Variants in NALF1 observed in about 807,000 individuals in gnomAD.
NALF1 encodes the protein NALCN channel auxiliary factor 1.
In NALF1, 3 loss-of-function variants were observed where a neutral mutation model predicts 48.4. The observed-to-expected ratio is 0.06, with a 90% CI of 0.03 to 0.16. The LOEUF is 0.16. NALF1 is among the 10% of genes least tolerant of loss of function. The pLI is 1.00. For missense variants in NALF1, 526 were observed against 571.5 expected, an observed-to-expected ratio of 0.92 and a Z score of 0.81; for synonymous variants, 262 against 245.7, an observed-to-expected ratio of 1.07 and a Z score of -0.62.
intron 1 of NALF1, among the ~76,000 whole-genome samples, chr13:107,402,302 AC>A (rs1883823162): frequency 6.6e-6 from 1 of 152,160 alleles, no homozygotes; most frequent in Non-Finnish European, 1.5e-5. Flanking sequence ...TAGTCCAACT[AC>A]CCAGAAGAAC....
chr13:107,450,318 C>G (rs543535987), intron 1 of NALF1, among the ~76,000 whole-genome samples: 7 of 152,100 alleles, frequency 4.6e-5, no homozygotes, highest in Non-Finnish European at 8.8e-5. Flanking sequence ...AAGTGCCCAT[C>G]ATAGAGCCAC....
At chr13:107,469,647 T>G (rs1275383004) in intron 1 of NALF1, among the ~76,000 whole-genome samples, 1 of 151,886 alleles carries the variant, frequency 6.6e-6, no homozygotes, top group Non-Finnish European at 1.5e-5. Context: ...TATGTTTAAG[T>G]TTTTTTTATG....
Position 107,170,245 on chromosome 13 carries a change from TAA to T in NALF1, c.*250_*251del. The stretch of plus-strand genomic sequence containing the variant: ...AAACCCAAACCAAAACGAAAGCAAA[TAA>T]AACCTCCAAACATTAAAACACAGTG... On this transcript the variant is annotated 3_prime_UTR_variant, in exon 3 of 3. Transcript: ENST00000375915. 1 of 388,108 alleles carries T rather than the reference TAA, an allele frequency of 2.6e-6. No homozygotes were observed. 24.0% of individuals were successfully genotyped at this position (388,108 alleles called of 1,614,324 possible). A position where few individuals can be genotyped will look rare whatever the true frequency, so the allele number is the denominator to read the frequency against.
chr13:107,464,858 C>A (rs764205257), intron 1 of NALF1, among the ~76,000 whole-genome samples: 1 of 151,938 alleles, frequency 6.6e-6, no homozygotes. Flanking sequence ...GAGGTATGCT[C>A]AACATACAAA....
intron 2 of NALF1, among the ~76,000 whole-genome samples, chr13:107,207,142 C>A (rs1879660509): frequency 6.6e-6 from 1 of 152,140 alleles, no homozygotes. Context: ...CTGCATTTTA[C>A]TTGGTTTCAT....
rs563816942 is a variant in NALF1 at position 107,799,093 on chromosome 13, G to A, written c.915+66589C>T. ...GGCTTGCTCATTCCCCAAAGCCTCT[G>A]CCCTTAAACACTGTATATCCACTGT... is the stretch of plus-strand genomic sequence containing the variant. On this transcript the variant is annotated intron_variant, in intron 1 of 2. Coordinates refer to ENST00000375915, the MANE Select transcript of NALF1 (RefSeq NM_001080396.3). Among the ~76,000 whole-genome samples, 103 of 152,206 alleles carry A rather than the reference G, an allele frequency of 6.8e-4. No individual in the cohort carries two copies. In the South Asian group the frequency reaches 0.011, roughly 16 times the overall value.
chr13:107,185,793 T>C (rs186800120), intron 2 of NALF1, among the ~76,000 whole-genome samples: 1 of 152,316 alleles, frequency 6.6e-6, no homozygotes, highest in Admixed American at 6.5e-5. Context: ...ATTCACAATC[T>C]CCTTTTGCAT....
At chr13:107,326,903 T>A (rs1220669925) in intron 1 of NALF1, among the ~76,000 whole-genome samples, 1 of 149,438 alleles carries the variant, frequency 6.7e-6, no homozygotes, top group Non-Finnish European at 1.5e-5. Flanking sequence ...TTCCCTCACA[T>A]GATCCAGCCA....
intron 1 of NALF1, among the ~76,000 whole-genome samples, chr13:107,735,484 A>G (rs1272251107): frequency 6.6e-6 from 1 of 152,220 alleles, no homozygotes; most frequent in Non-Finnish European, 1.5e-5. Flanking sequence ...GTACTATAAC[A>G]TCAGAAAAAA....
At chr13:107,318,324 TCGTATCTTTTTGCA>T (rs2138911155) in intron 1 of NALF1, among the ~76,000 whole-genome samples, 1 of 152,254 alleles carries the variant, frequency 6.6e-6, no homozygotes, top group African/African-American at 2.4e-5. Flanking sequence ...GAATTTGTAT[TCGTATCTTTTTGCA>T]CAGAATGTGT....
chr13:107,813,891 G>A (rs556757654), intron 1 of NALF1, among the ~76,000 whole-genome samples: 1 of 152,176 alleles, frequency 6.6e-6, no homozygotes, highest in South Asian at 2.1e-4. Flanking sequence ...TGTTGTTATT[G>A]TTGCTATCAT....
chr13:107,513,161 T>A (rs1425257439), intron 1 of NALF1, among the ~76,000 whole-genome samples: 2 of 152,170 alleles, frequency 1.3e-5, no homozygotes, highest in Non-Finnish European at 2.9e-5. Context: ...GGGGTTTTCT[T>A]TTTGGAAAAT....
At position 107,709,066 on chromosome 13, in the gene NALF1, A is replaced by G. The variant is rs201035937; in HGVS notation, c.915+156616T>C. 5.9e-5 allele frequency among the ~76,000 whole-genome samples: 9 copies of G among 152,380 alleles called. No individual in the cohort carries two copies. The South Asian group carries it at 8.3e-4, about 14-fold the overall frequency. ...CAGCAATGGTATTCTAAAGTAAAAA[A>G]TAAAGAAAAATTCAAAAAGTGTTGT... On this transcript the variant is annotated intron_variant, in intron 1 of 2. Transcript: ENST00000375915.
At chr13:107,710,898 CAT>C (rs1416267482) in intron 1 of NALF1, among the ~76,000 whole-genome samples, 2 of 150,770 alleles carry the variant, frequency 1.3e-5, no homozygotes, top group African/African-American at 2.5e-5. Context: ...CACAGACACA[CAT>C]ATATATTAAT....
intron 1 of NALF1, among the ~76,000 whole-genome samples, chr13:107,551,251 C>T (rs777536256): frequency 1.8e-4 from 27 of 152,108 alleles, no homozygotes; most frequent in Non-Finnish European, 3.7e-4. Context: ...TATTTGAATC[C>T]TATATTTACA....
rs114426217 is a variant in NALF1 at position 107,260,761 on chromosome 13, G to A, written c.916-50006C>T. 5.6e-3 allele frequency among the ~76,000 whole-genome samples: 856 copies of A among 152,258 alleles called. 5 individuals are homozygous for A. Among genetic ancestry groups the A allele is most frequent in the African/African-American group, 0.02 (820 of 41,556 alleles). On this transcript the variant is annotated intron_variant, in intron 1 of 2. Coordinates refer to ENST00000375915, the MANE Select transcript of NALF1 (RefSeq NM_001080396.3). ...GAAATTACACATGCTAGCTATCTGT[G>A]GCTGACAGCAGTGTGTGGCTAGCTC...
chr13:107,839,865 T>A (rs1383809463), intron 1 of NALF1, among the ~76,000 whole-genome samples: 1 of 152,154 alleles, frequency 6.6e-6, no homozygotes, highest in African/African-American at 2.4e-5. Flanking sequence ...AATAGCATAG[T>A]CTACAATATT....
intron 1 of NALF1, among the ~76,000 whole-genome samples, chr13:107,861,105 CAA>C (rs1231189564): frequency 2.0e-5 from 3 of 151,982 alleles, no homozygotes; most frequent in Non-Finnish European, 4.4e-5. Context: ...AAATAAAACA[CAA>C]ATCATAAATC....
At chr13:107,245,212 A>G (rs1257046805) in intron 1 of NALF1, among the ~76,000 whole-genome samples, 1 of 152,168 alleles carries the variant, frequency 6.6e-6, no homozygotes, top group African/African-American at 2.4e-5. Flanking sequence ...TGCTTTATTT[A>G]ATGATAATAT....
Sources: allele counts gnomAD v4.1 joint callset (sites outside exome capture counted in the v4.1 genomes callset), GRCh38; gene constraint gnomAD v4.1.1; transcripts MANE v1.5; gene names NCBI Gene and HGNC (gene_info 2026-07-23, HGNC 2026-07-21).